GALK2: variants seen among roughly 807,000 people sequenced by gnomAD.
GALK2 encodes the protein N-acetylgalactosamine kinase.
A neutral mutation model predicts 52.4 loss-of-function variants in GALK2; 36 were observed. The ratio of observed to expected loss-of-function variants is 0.69; its 90% confidence interval spans 0.53 to 0.91. The LOEUF (loss-of-function observed/expected upper bound fraction) is 0.91, where lower values mean the gene tolerates loss of function less well. Among genes scored for constraint, GALK2 ranks in the 40% least tolerant of loss-of-function variants. The probability of loss-of-function intolerance (pLI) is 0.00; values close to 1 mark genes in which losing one functional copy is unlikely to be tolerated. For synonymous variants in GALK2, 176 were observed against 199.1 expected (o/e 0.88, Z 0.98); for missense variants, 579 against 559.1 (o/e 1.04, Z -0.36).
intron 3 of GALK2, among the ~76,000 whole-genome samples, chr15:49,228,688 T>TATATGTATATATATATATATATACATATA: frequency 5.7e-4 from 6 of 10,440 alleles, no homozygotes; most frequent in East Asian, 2.3e-3. Flanking sequence ...TATATATATA[T>TATATGTATATATATATATATATACATATA]TTTTTTTTTT....
At chr15:49,206,346 T>G (rs1595662326) in intron 2 of GALK2, among the ~76,000 whole-genome samples, 1 of 152,004 alleles carries the variant, frequency 6.6e-6, no homozygotes, top group African/African-American at 2.4e-5. Context: ...TAATTGTTTT[T>G]TCTAAGTCTG....
chr15:49,278,423 T>G (rs549580522), intron 5 of GALK2, among the ~76,000 whole-genome samples: 2 of 152,358 alleles, frequency 1.3e-5, no homozygotes, highest in East Asian at 3.9e-4. Context: ...TCTATAGTAA[T>G]TATAACTTGT....
At chr15:49,208,606 G>A (rs1191542630) in intron 2 of GALK2, among the ~76,000 whole-genome samples, 1 of 152,166 alleles carries the variant, frequency 6.6e-6, no homozygotes, top group Non-Finnish European at 1.5e-5. Context: ...TCCATGCCCT[G>A]TTGAAAAGGA....
At chr15:49,207,300 T>A (rs2088376166) in intron 2 of GALK2, among the ~76,000 whole-genome samples, 1 of 152,206 alleles carries the variant, frequency 6.6e-6, no homozygotes, top group Non-Finnish European at 1.5e-5. Flanking sequence ...GTAGTTTTCT[T>A]TCTTGGTTAT....
intron 3 of GALK2, among the ~76,000 whole-genome samples, chr15:49,235,022 C>T (rs569535813): frequency 6.6e-6 from 1 of 152,294 alleles, no homozygotes; most frequent in African/African-American, 2.4e-5. Context: ...GCCTTGGCCT[C>T]CCAAAGTGCT....
rs1403708405 is a variant in GALK2, at chr15:49,329,013, T to G, written c.*854T>G. 200 of 1,009,344 alleles carry G rather than the reference T, an allele frequency of 2.0e-4. No individual in the cohort carries two copies. Among genetic ancestry groups the G allele is most frequent in the Non-Finnish European group, 2.3e-4 (193 of 846,704 alleles). The allele number at this position is 1,009,344 out of a possible 1,614,324, so 62.5% of individuals were successfully genotyped here. A position where few individuals can be genotyped will look rare whatever the true frequency, so the allele number is the denominator to read the frequency against. On this transcript the variant is annotated 3_prime_UTR_variant, in exon 10 of 10. Transcript: ENST00000560031. ...CAGTTTGTTCATAGAATTACTTTCT[T>G]ATCACTCTTTTTCTACTACTTTTTC...
chr15:49,259,007 G>C (rs2091958414), intron 5 of GALK2, among the ~76,000 whole-genome samples: 1 of 150,842 alleles, frequency 6.6e-6, no homozygotes, highest in African/African-American at 2.4e-5. Context: ...TTTTTTTCTT[G>C]TAAATTTGTT....
At chr15:49,169,736 A>G (rs1024981129), upstream of GALK2, among the ~76,000 whole-genome samples, 7 of 152,172 alleles carry the variant, frequency 4.6e-5, no homozygotes, top group Non-Finnish European at 7.3e-5. Context: ...AGGCCCACCA[A>G]TGCCTCTAAC....
At chr15:49,172,208 A>G (rs2085151157) in intron 1 of GALK2, among the ~76,000 whole-genome samples, 1 of 152,250 alleles carries the variant, frequency 6.6e-6, no homozygotes, top group African/African-American at 2.4e-5. Context: ...GGTAACAAGT[A>G]TAGGTACATG....
intron 4 of GALK2, among the ~76,000 whole-genome samples, chr15:49,236,241 T>G (rs1405414593): frequency 6.6e-6 from 1 of 152,224 alleles, no homozygotes; most frequent in Non-Finnish European, 1.5e-5. Context: ...TTAATACTAT[T>G]ATTTACATTT....
At chr15:49,337,187 A>G (rs2039862444) in intron 3 of GALK2, among the ~76,000 whole-genome samples, 1 of 151,998 alleles carries the variant, frequency 6.6e-6, no homozygotes, top group Admixed American at 6.6e-5. Context: ...GGAATAATTT[A>G]TTTTTCTTTT....
chr15:49,241,885 CA>C (rs1281805254), intron 5 of GALK2, among the ~76,000 whole-genome samples: 2 of 84,078 alleles, frequency 2.4e-5, no homozygotes, highest in East Asian at 4.6e-4. Context: ...ATAGCAAATA[CA>C]TTTTTTTATC....
At chr15:49,172,253 T>C (rs368145751) in intron 1 of GALK2, among the ~76,000 whole-genome samples, 3 of 152,318 alleles carry the variant, frequency 2.0e-5, no homozygotes, top group African/African-American at 7.2e-5. Flanking sequence ...TGAATTTCCT[T>C]AGTGTTCTTC....
At chr15:49,262,577 G>C (rs1281453490) in intron 5 of GALK2, among the ~76,000 whole-genome samples, 2 of 150,876 alleles carry the variant, frequency 1.3e-5, no homozygotes, top group East Asian at 3.9e-4. Flanking sequence ...CTTCAGTTCT[G>C]CTCTGATTTT....
chr15:49,316,353 C>T (rs558357673), intron 8 of GALK2, among the ~76,000 whole-genome samples: 22 of 150,828 alleles, frequency 1.5e-4, no homozygotes, highest in African/African-American at 5.4e-4. Flanking sequence ...AAACCTGAAA[C>T]TTTAATAAGA....
intron 5 of GALK2, among the ~76,000 whole-genome samples, chr15:49,266,122 G>A (rs1027779728): frequency 2.0e-5 from 3 of 152,166 alleles, no homozygotes; most frequent in Non-Finnish European, 4.4e-5. Context: ...GCTGTCAGCC[G>A]ACATGATAGG....
intron 3 of GALK2, among the ~76,000 whole-genome samples, chr15:49,346,013 C>A (rs1209540430): frequency 1.3e-5 from 2 of 151,388 alleles, no homozygotes; most frequent in Non-Finnish European, 2.9e-5. Context: ...TTGATCAGGT[C>A]TGCCTGCCCT....
chr15:49,207,401 T>C (rs111676529), intron 2 of GALK2, among the ~76,000 whole-genome samples: 9,184 of 152,256 alleles, frequency 0.06, 549 homozygotes, highest in African/African-American at 0.15. Context: ...TTCTCTATCT[T>C]GTGGAATACT....
intron 1 of GALK2, among the ~76,000 whole-genome samples, chr15:49,171,077 TTTTTC>T (rs1224672626): frequency 6.8e-6 from 1 of 146,646 alleles, no homozygotes; most frequent in African/African-American, 2.7e-5. Context: ...TTTCTTTTTC[TTTTTC>T]TTTTTTTTTT....
Sources: allele counts gnomAD v4.1 joint callset (sites outside exome capture counted in the v4.1 genomes callset), GRCh38; gene constraint gnomAD v4.1.1; transcripts MANE v1.5; gene names NCBI Gene and HGNC (gene_info 2026-07-23, HGNC 2026-07-21).